The following UGT1A10 variants were observed in gnomAD, a reference collection of about 807,000 sequenced individuals.
The protein encoded by UGT1A10 is UDP glucuronosyltransferase family 1 member A10, also known as UDP-glucuronosyltransferase 1A10.
In UGT1A10, 49 loss-of-function variants were observed where a neutral mutation model predicts 45.8. That is an observed-to-expected ratio of 1.07 (90% CI 0.85 to 1.36). The LOEUF is 1.36. Ranked by LOEUF, UGT1A10 falls within the 40% of genes most tolerant of loss-of-function variation. The probability of loss-of-function intolerance (pLI) is 0.00; values close to 1 mark genes in which losing one functional copy is unlikely to be tolerated. For synonymous variants in UGT1A10, 284 were observed against 249.7 expected (o/e 1.14, Z -1.29); for missense variants, 745 against 668.6 (o/e 1.11, Z -1.26).
chr2:233,643,071 T>C (rs1028573444), intron 1 of UGT1A10, among the ~76,000 whole-genome samples: 9 of 152,176 alleles, frequency 5.9e-5, no homozygotes, highest in African/African-American at 2.2e-4. Flanking sequence ...CTATGTTTGC[T>C]CAACGCCCTT....
chr2:233,653,137 G>A (rs2073779621), intron 1 of UGT1A10, among the ~76,000 whole-genome samples: 1 of 152,154 alleles, frequency 6.6e-6, no homozygotes, highest in Non-Finnish European at 1.5e-5. Flanking sequence ...TGAATGTTAA[G>A]AGCCTGAGAG....
At chr2:233,647,696 A>G (rs2073639462) in intron 1 of UGT1A10, among the ~76,000 whole-genome samples, 1 of 152,156 alleles carries the variant, frequency 6.6e-6, no homozygotes, top group African/African-American at 2.4e-5. Context: ...CATGTTTCTT[A>G]TTGTTTTAAT....
At chr2:233,747,891 C>G (rs562741642) in intron 1 of UGT1A10, 201 of 1,612,980 alleles carry the variant, frequency 1.2e-4, no homozygotes, top group East Asian at 4.9e-4. Context: ...TTGCCATGCT[C>G]TTTCTGCTCC....
At chr2:233,663,624 A>C (rs188395916) in intron 1 of UGT1A10, among the ~76,000 whole-genome samples, 10 of 152,302 alleles carry the variant, frequency 6.6e-5, no homozygotes, top group Admixed American at 5.2e-4. Flanking sequence ...GGCTAATGCT[A>C]GTCCTACAAA....
chr2:233,762,875 C>T (rs1698183827), intron 1 of UGT1A10, among the ~76,000 whole-genome samples: 1 of 152,150 alleles, frequency 6.6e-6, no homozygotes, highest in African/African-American at 2.4e-5. Flanking sequence ...TTGGTTTCTT[C>T]TCTTATAAAT....
chr2:233,688,115 T>A (rs2074878398), intron 1 of UGT1A10, among the ~76,000 whole-genome samples: 1 of 152,140 alleles, frequency 6.6e-6, no homozygotes, highest in Non-Finnish European at 1.5e-5. Context: ...CTTCTACCCC[T>A]CAGCACTAAT....
chr2:233,693,562 A>C, intron 1 of UGT1A10: 1 of 1,614,236 alleles, frequency 6.2e-7, no homozygotes, highest in Non-Finnish European at 8.5e-7. Flanking sequence ...GCAGAAGCCC[A>C]GACCCTGTGT....
At chr2:233,718,098 A>C (rs577744512) in intron 1 of UGT1A10, 1 of 327,190 alleles carries the variant, frequency 3.1e-6, no homozygotes, top group East Asian at 7.5e-5. Flanking sequence ...TGTGTGCTTT[A>C]GACAGCAGCA....
intron 1 of UGT1A10, among the ~76,000 whole-genome samples, chr2:233,757,460 G>A (rs34757826): frequency 4.7e-5 from 7 of 149,338 alleles, no homozygotes; most frequent in Non-Finnish European, 7.4e-5. Context: ...TGTCCAGAGC[G>A]CTTACTGTCT....
At chr2:233,713,061 C>T (rs1420543594) in intron 1 of UGT1A10, 5 of 1,614,008 alleles carry the variant, frequency 3.1e-6, no homozygotes, top group East Asian at 2.2e-5. Context: ...CAGTGTCCAG[C>T]CCTGGGCTGA....
rs1413528689 is a variant in UGT1A10, at chr2:233,768,429, A to G, written c.1285A>G (p.Asn429Asp). Residue 429 changes from asparagine to aspartate, a missense_variant, in exon 4 of 5, where the codon AAT becomes GAT. By Grantham distance (23) the Asn-to-Asp change is conservative. Transcript: ENST00000344644. Reference protein sequence around the residue: ...DLENALKAVINDKSYKENIMR... With the variant: ...DLENALKAVIDDKSYKENIMR... ...AGAAAATGCTCTAAAAGCAGTCATC[A>G]ATGACAAAAGGTAAGAAAGAAGATA... is the stretch of plus-strand genomic sequence containing the variant. The G allele has an allele frequency of 6.8e-6, 11 of 1,614,042 alleles. No homozygotes were observed. The highest frequency in any genetic ancestry group is 9.3e-6 in the Non-Finnish European group (11 of 1,179,964).
chr2:233,756,961 G>A (rs1696368025), intron 1 of UGT1A10, among the ~76,000 whole-genome samples: 1 of 151,950 alleles, frequency 6.6e-6, no homozygotes, highest in Admixed American at 6.6e-5. Context: ...CTTGGCACTT[G>A]GTAAGCACGC....
At chr2:233,750,039 G>A (rs1434781604) in intron 1 of UGT1A10, among the ~76,000 whole-genome samples, 1 of 151,888 alleles carries the variant, frequency 6.6e-6, no homozygotes, top group East Asian at 1.9e-4. Flanking sequence ...AAAGATACTT[G>A]AAAATGTGGA....
chr2:233,687,321 A>G (rs2074832888), intron 1 of UGT1A10, among the ~76,000 whole-genome samples: 1 of 152,152 alleles, frequency 6.6e-6, no homozygotes, highest in Non-Finnish European at 1.5e-5. Context: ...TCTTGATGCA[A>G]GTTTCCCTTG....
intron 1 of UGT1A10, chr2:233,761,074 G>C (rs1315793944): frequency 1.2e-6 from 2 of 1,614,148 alleles, no homozygotes; most frequent in Admixed American, 1.7e-5. Context: ...CTTTGTGAAG[G>C]ATTACCCTAG....
intron 1 of UGT1A10, among the ~76,000 whole-genome samples, chr2:233,643,741 A>G (rs1466280135): frequency 6.6e-6 from 1 of 152,074 alleles, no homozygotes; most frequent in African/African-American, 2.4e-5. Context: ...TTCAGGTTCC[A>G]AGGTCTCTTC....
chr2:233,662,608 G>C (rs912057070), intron 1 of UGT1A10, among the ~76,000 whole-genome samples: 1 of 152,100 alleles, frequency 6.6e-6, no homozygotes, highest in Non-Finnish European at 1.5e-5. Flanking sequence ...TTCAGATCTG[G>C]ATATTTTAAA....
intron 1 of UGT1A10, among the ~76,000 whole-genome samples, chr2:233,702,018 GAC>G (rs2075665639): frequency 6.6e-6 from 1 of 151,686 alleles, no homozygotes. Context: ...AGGAAATAGA[GAC>G]ACAAAAAAAA....
chr2:233,656,294 A>C (rs2073851427), intron 1 of UGT1A10, among the ~76,000 whole-genome samples: 1 of 152,230 alleles, frequency 6.6e-6, no homozygotes, highest in African/African-American at 2.4e-5. Flanking sequence ...TCAAATTCAC[A>C]GTCTCCGTAA....
Sources: gnomAD v4.1 joint callset for allele counts (sites outside exome capture counted in the v4.1 genomes callset) on GRCh38, gnomAD v4.1.1 for gene constraint, MANE v1.5 for transcripts, NCBI Gene and HGNC (gene_info 2026-07-23, HGNC 2026-07-21) for gene names.